The following MACF1 variants were observed in gnomAD, a reference collection of about 807,000 sequenced individuals.
MACF1 encodes the protein microtubule actin crosslinking factor 1.
In MACF1, 193 loss-of-function variants were observed where a neutral mutation model predicts 854.8. The observed-to-expected ratio is 0.23, with a 90% CI of 0.20 to 0.25. MACF1 has a LOEUF of 0.25. Ranked by LOEUF, MACF1 falls within the 10% of genes least tolerant of loss-of-function variation. MACF1 has a pLI of 1.00. For missense variants in MACF1, 7,722 were observed against 8,929.1 expected, an observed-to-expected ratio of 0.86 and a Z score of 5.45; for synonymous variants, 3,185 against 3,226.7, an observed-to-expected ratio of 0.99 and a Z score of 0.44.
intron 26 of MACF1, among the ~76,000 whole-genome samples, chr1:39,312,035 T>C (rs1646311050): frequency 6.6e-6 from 1 of 152,198 alleles, no homozygotes; most frequent in Non-Finnish European, 1.5e-5. Context: ...GGAAGCTTTT[T>C]ACTTTTCTAT....
intron 28 of MACF1, 144 bp from the exon 29 acceptor site, chr1:39,317,070 G>A: frequency 1.3e-6 from 1 of 777,678 alleles, no homozygotes; most frequent in Non-Finnish European, 2.0e-6. Context: ...ACATGTGGAG[G>A]CAGTCCTGGC....
chr1:39,264,511 G>A (rs1645206922), intron 6 of MACF1, among the ~76,000 whole-genome samples: 2 of 152,140 alleles, frequency 1.3e-5, no homozygotes, highest in Non-Finnish European at 2.9e-5. Context: ...TGAATGGATT[G>A]TTTCATGAAT....
chr1:39,476,820 G>T (rs899657209), intron 97 of MACF1, among the ~76,000 whole-genome samples: 1 of 151,272 alleles, frequency 6.6e-6, no homozygotes, highest in African/African-American at 2.4e-5. Flanking sequence ...AGCTGGGCAT[G>T]GTGGATCACG....
chr1:39,225,210 C>CTTTTTCCT (rs1173560351), intron 1 of MACF1, among the ~76,000 whole-genome samples: 2 of 17,580 alleles, frequency 1.1e-4, no homozygotes, highest in Non-Finnish European at 1.5e-4. Flanking sequence ...GCAAATTTTT[C>CTTTTTCCT]TTTTTTCTTT....
At chr1:39,469,636 C>G (rs1262120858) in intron 97 of MACF1, 21 bp downstream of exon 97, 11 of 1,540,576 alleles carry the variant, frequency 7.1e-6, no homozygotes, top group Non-Finnish European at 9.7e-6. Context: ...AAGCTTTGTC[C>G]CTCTTCCTCA....
chr1:39,448,770 A>G lies in MACF1; in HGVS notation c.20258+7A>G, dbSNP rs1189461669. ...GTGGCAAGTCTGTGGAGCGGTGAGC[A>G]TGAATGTCCCCTTCAGGGGTCTAAC... On this transcript the variant is annotated splice_region_variant and intron_variant, in intron 84 of 100. Coordinates refer to ENST00000564288, the MANE Select transcript of MACF1 (RefSeq NM_001394062.1). The G allele has an allele frequency of 7.5e-6, 12 of 1,602,326 alleles. No homozygotes were observed. The South Asian group carries it at 1.1e-4, about 15-fold the overall frequency.
intron 49 of MACF1, among the ~76,000 whole-genome samples, chr1:39,366,277 A>G (rs781587700): frequency 6.6e-6 from 1 of 152,120 alleles, no homozygotes; most frequent in Non-Finnish European, 1.5e-5. Flanking sequence ...ACTTTTATGG[A>G]TGTGTTTCCA....
In MACF1 at chr1:39,458,033, G is replaced by C. The variant is rs968533616; in HGVS notation, c.21076-337G>C. ...AGAGAGAAAGAGGAGGAGATAGCAG[G>C]CTCCTTTTAAACAGCCAGTTCTCAT... On this transcript the variant is annotated intron_variant, in intron 89 of 100. Coordinates refer to ENST00000564288, the MANE Select transcript of MACF1 (RefSeq NM_001394062.1). 4 of 184,096 alleles carry C rather than the reference G, an allele frequency of 2.2e-5. 1 individual carries two copies. Among genetic ancestry groups the C allele is most frequent in the African/African-American group, 9.4e-5 (4 of 42,590 alleles). The allele number at this position is 184,096 out of a possible 1,614,324, so 11.4% of individuals were successfully genotyped here. A position where few individuals can be genotyped will look rare whatever the true frequency, so the allele number is the denominator to read the frequency against.
intron 6 of MACF1, among the ~76,000 whole-genome samples, chr1:39,280,034 A>G (rs1014544761): frequency 1.3e-5 from 2 of 151,942 alleles, no homozygotes; most frequent in Non-Finnish European, 2.9e-5. Context: ...TAACCTGTCT[A>G]CAGATTCTAG....
In MACF1 at chr1:39,104,730, C is replaced by T. The variant is rs116674861; in HGVS notation, c.220+20292C>T. Among the ~76,000 whole-genome samples the T allele has an allele frequency of 4.4e-3, 666 of 152,282 alleles. 2 individuals carry two copies. Among genetic ancestry groups the T allele is most frequent in the Non-Finnish European group, 7.3e-3 (496 of 68,024 alleles). ...TTTACTTCATGGTGCTGGATCTGCCCCGTCACTTCTTGTTCAGCTTCTTCT... is the reference window on the plus strand; with the variant it reads ...TTTACTTCATGGTGCTGGATCTGCCTCGTCACTTCTTGTTCAGCTTCTTCT... On this transcript the variant is annotated intron_variant, in intron 2 of 93. Coordinates refer to the MACF1 transcript ENST00000361689.
At chr1:39,314,216 C>G (rs142202362) in intron 26 of MACF1, among the ~76,000 whole-genome samples, 3,051 of 152,206 alleles carry the variant, frequency 0.02, 111 homozygotes, top group African/African-American at 0.07. Context: ...GGAGACCAGC[C>G]TGGCCAACAT....
intron 2 of MACF1, among the ~76,000 whole-genome samples, chr1:39,138,447 T>C (rs887439396): frequency 5.9e-5 from 9 of 151,292 alleles, no homozygotes; most frequent in African/African-American, 1.9e-4. Flanking sequence ...TAGCCGGGCA[T>C]GGTGGCGGGT....
chr1:39,203,193 G>A (rs1247846646), upstream of MACF1, among the ~76,000 whole-genome samples: 4 of 152,110 alleles, frequency 2.6e-5, no homozygotes, highest in Admixed American at 6.6e-5. Flanking sequence ...ATATCATAGT[G>A]TAATAGGTAC....
At chr1:39,190,728 C>G (rs1307010133) in intron 2 of MACF1, among the ~76,000 whole-genome samples, 1 of 151,700 alleles carries the variant, frequency 6.6e-6, no homozygotes, top group East Asian at 1.9e-4. Context: ...GGAGGTGGTG[C>G]GGTGGCCTGT....
Position 39,372,515 on chromosome 1 carries a change from G to A in MACF1, c.13132G>A (p.Val4378Met). The A allele has an allele frequency of 6.2e-7, 1 of 1,613,722 alleles. No individual in the cohort carries two copies. Among genetic ancestry groups the A allele is most frequent in the Non-Finnish European group, 8.5e-7 (1 of 1,179,778 alleles). ...LDDWASKGTL[V>M]EEINCKGTSL... ...TGACTGGGCAAGTAAGGGAACTCTG[G>A]TGGAAGAAATCAATTGCAAAGGTAC... The change falls in exon 52 of 101, where the codon GTG (valine) becomes ATG (methionine). Residue 4378 changes from valine (V) to methionine (M), a missense_variant. Transcript: ENST00000564288.
intron 36 of MACF1, among the ~76,000 whole-genome samples, chr1:39,330,588 T>C (rs769120566): frequency 5.3e-4 from 81 of 152,218 alleles, no homozygotes; most frequent in Non-Finnish European, 1.0e-3. Context: ...TCATTTTCAC[T>C]GCTTACCACC....
At chr1:39,463,783 G>A in intron 94 of MACF1, 97 bp downstream of exon 94, 6 of 1,073,392 alleles carry the variant, frequency 5.6e-6, no homozygotes, top group Non-Finnish European at 7.1e-6. Flanking sequence ...AGAGCCCATC[G>A]GACTTGAGAT....
Position 39,084,272 on chromosome 1 carries a change from GTCTTGTCGGAGTGAGCGA to G in MACF1, c.59_76del (p.Cys20_Ser25del), listed in dbSNP as rs751392944. On this transcript the variant is annotated inframe_deletion, in exon 2 of 94. Transcript: ENST00000361689. The surrounding 1 kb of genome is among the most constrained non-coding windows in gnomAD (Gnocchi z 5.2). ...GTGAGCGGTCATGTCGGAGTGAGCGGTCTTGTCGGAGTGAGCGATCTTACAGGAGCGAGCGGTCGGGGA... is the reference window on the plus strand; with the variant it reads ...GTGAGCGGTCATGTCGGAGTGAGCGGTCTTACAGGAGCGAGCGGTCGGGGA... The G allele has an allele frequency of 9.9e-6, 16 of 1,613,564 alleles. No individual in the cohort carries two copies. The highest frequency in any genetic ancestry group is 8.9e-5 in the East Asian group (4 of 44,872).
At position 39,311,011 on chromosome 1, in the gene MACF1, A is replaced by G; in HGVS notation, c.3270+11A>G. 6.2e-7 allele frequency: 1 copy of G among 1,607,650 alleles called. No individual in the cohort carries two copies. The highest frequency in any genetic ancestry group is 8.5e-7 in the Non-Finnish European group (1 of 1,177,162). ...ATTGCAGAGCAAGAGGTAAGCCCTA[A>G]GAGCCATGTGGATGCTGGTTGTGGA... On this transcript the variant is annotated intron_variant, in intron 26 of 100. Transcript: ENST00000564288.
Sources: gnomAD v4.1 joint callset for allele counts (sites outside exome capture counted in the v4.1 genomes callset) on GRCh38, gnomAD v4.1.1 for gene constraint, Gnocchi (gnomAD v3.1) non-coding constraint, MANE v1.5 for transcripts, NCBI Gene and HGNC (gene_info 2026-07-23, HGNC 2026-07-21) for gene names.